VAV3: variants seen among roughly 807,000 people sequenced by gnomAD.
VAV3 encodes vav guanine nucleotide exchange factor 3, also known as guanine nucleotide exchange factor VAV3.
Under a neutral mutation model 131.2 loss-of-function variants are expected in VAV3, and 94 were observed. The ratio of observed to expected loss-of-function variants is 0.72; its 90% CI spans 0.61 to 0.85. The LOEUF is 0.85. Ranked by LOEUF, VAV3 falls within the 40% of genes least tolerant of loss-of-function variation. The pLI is 0.00. For missense variants in VAV3, 939 were observed against 1,002.7 expected (o/e 0.94, Z 0.86); for synonymous variants, 349 against 342.0 (o/e 1.02, Z -0.22).
At chr1:107,784,838 G>A (rs1665895671) in intron 2 of VAV3, among the ~76,000 whole-genome samples, 2 of 152,204 alleles carry the variant, frequency 1.3e-5, no homozygotes, top group Non-Finnish European at 2.9e-5. Context: ...TATGTAAAGG[G>A]CTCAACCTGG....
At position 107,622,687 on chromosome 1, in the gene VAV3, G is replaced by A. The variant is rs148458280; in HGVS notation, c.1915-5055C>T. Among the ~76,000 whole-genome samples, 1,232 of 152,298 alleles carry A rather than the reference G, an allele frequency of 8.1e-3. 16 individuals are homozygous for A. The highest frequency in any genetic ancestry group is 0.024 in the Admixed American group (360 of 15,284). ...TTACAATGCCCTAAACACTCTCAAT[G>A]TATGCACGATGGTGCTGTGGAGATT... is the stretch of plus-strand genomic sequence containing the variant. On this transcript the variant is annotated intron_variant, in intron 20 of 26. Coordinates refer to ENST00000370056, the MANE Select transcript of VAV3 (RefSeq NM_006113.5).
At chr1:107,602,264 CA>C in intron 24 of VAV3, 132 bp downstream of exon 24, 2 of 554,358 alleles carry the variant, frequency 3.6e-6, no homozygotes, top group South Asian at 4.7e-5. Flanking sequence ...GATTTTGTTG[CA>C]AAATTAGAAT....
At chr1:107,809,244 G>A (rs1212141612) in intron 2 of VAV3, among the ~76,000 whole-genome samples, 1 of 152,108 alleles carries the variant, frequency 6.6e-6, no homozygotes, top group Non-Finnish European at 1.5e-5. Context: ...GCAATATTTT[G>A]AGGTGGAATC....
chr1:107,822,798 G>T (rs6674778), intron 2 of VAV3, among the ~76,000 whole-genome samples: 4,254 of 152,226 alleles, frequency 0.028, 133 homozygotes, highest in African/African-American at 0.076. Context: ...AGCAAAAGAG[G>T]TTCATTCCTT....
chr1:107,909,441 G>C (rs1672261509), intron 1 of VAV3, among the ~76,000 whole-genome samples: 1 of 147,418 alleles, frequency 6.8e-6, no homozygotes, highest in South Asian at 2.2e-4. Flanking sequence ...AAGATGAGTA[G>C]ACAATGGAAA....
chr1:107,594,500 G>A (rs112446361), intron 25 of VAV3, among the ~76,000 whole-genome samples: 4,636 of 152,126 alleles, frequency 0.03, 249 homozygotes, highest in African/African-American at 0.11. Context: ...TAAAAAGACT[G>A]GATAGGGAAG....
chr1:107,778,364 T>C (rs1332180220), intron 3 of VAV3, among the ~76,000 whole-genome samples: 1 of 151,712 alleles, frequency 6.6e-6, no homozygotes, highest in African/African-American at 2.4e-5. Context: ...TTGACTTACG[T>C]TTTTTCAGAA....
intron 15 of VAV3, among the ~76,000 whole-genome samples, chr1:107,737,094 A>C (rs558732612): frequency 2.0e-5 from 3 of 152,360 alleles, no homozygotes; most frequent in African/African-American, 7.2e-5. Flanking sequence ...GACAAAAAGA[A>C]GAAATGGTGG....
intron 19 of VAV3, among the ~76,000 whole-genome samples, chr1:107,653,807 G>A (rs928656814): frequency 1.3e-5 from 2 of 151,730 alleles, no homozygotes; most frequent in Non-Finnish European, 2.9e-5. Context: ...CCTTTCCCTG[G>A]GGCCAAGTGT....
At chr1:107,783,915 C>A (rs1182246358) in intron 2 of VAV3, among the ~76,000 whole-genome samples, 1 of 147,764 alleles carries the variant, frequency 6.8e-6, no homozygotes, top group Admixed American at 6.7e-5. Context: ...AAAAAATTAG[C>A]CAGGCATGGT....
At chr1:107,830,225 CAA>C (rs149693654) in intron 2 of VAV3, among the ~76,000 whole-genome samples, 4,656 of 148,234 alleles carry the variant, frequency 0.031, 174 homozygotes, top group African/African-American at 0.088. Flanking sequence ...TTTTTTGAGA[CAA>C]AGTCTTGCTC....
chr1:107,661,889 C>T (rs1053429671), intron 19 of VAV3, among the ~76,000 whole-genome samples: 22 of 152,016 alleles, frequency 1.4e-4, no homozygotes, highest in Admixed American at 1.4e-3. Flanking sequence ...TTGGTGATAC[C>T]GAATTTCCCT....
chr1:107,898,612 C>A (rs1671717335), intron 1 of VAV3, among the ~76,000 whole-genome samples: 1 of 152,148 alleles, frequency 6.6e-6, no homozygotes, highest in Non-Finnish European at 1.5e-5. Context: ...TAATAGGAAG[C>A]ATTCAGCAGA....
At chr1:107,886,655 T>C (rs1033345050) in intron 1 of VAV3, among the ~76,000 whole-genome samples, 4 of 152,220 alleles carry the variant, frequency 2.6e-5, no homozygotes, top group Admixed American at 1.3e-4. Context: ...CCTCTTCTTA[T>C]GAATCTTATT....
At chr1:107,863,621 T>A (rs1276094172) in intron 2 of VAV3, among the ~76,000 whole-genome samples, 1 of 152,232 alleles carries the variant, frequency 6.6e-6, no homozygotes. Flanking sequence ...AAATTCCATG[T>A]GGATTACCAC....
chr1:107,949,923 A>G (rs2101330755), intron 1 of VAV3, among the ~76,000 whole-genome samples: 1 of 152,316 alleles, frequency 6.6e-6, no homozygotes, highest in Non-Finnish European at 1.5e-5. Flanking sequence ...TCTATCAGGT[A>G]TTGCCTATAT....
intron 20 of VAV3, among the ~76,000 whole-genome samples, chr1:107,634,832 C>G (rs1654787929): frequency 6.6e-6 from 1 of 151,940 alleles, no homozygotes; most frequent in South Asian, 2.1e-4. Context: ...AGACACTTCT[C>G]AAAAGACATT....
intron 2 of VAV3, among the ~76,000 whole-genome samples, chr1:107,872,999 T>C (rs1337796756): frequency 6.6e-6 from 1 of 152,200 alleles, no homozygotes; most frequent in Non-Finnish European, 1.5e-5. Flanking sequence ...TTCAGTGTTT[T>C]CTTTAGATCA....
chr1:107,572,551 AAAGTC>A lies in VAV3; in HGVS notation c.*775_*779del, dbSNP rs1420977816. On this transcript the variant is annotated 3_prime_UTR_variant, in exon 27 of 27. Coordinates refer to ENST00000370056, the MANE Select transcript of VAV3 (RefSeq NM_006113.5). ...ATATACCTAGCCCAGATCCTTTCAT[AAAGTC>A]AAGTGCTATATTTCCAAAATAATCC... 1 of 152,652 alleles carries A rather than the reference AAAGTC, an allele frequency of 6.6e-6. No individual in the cohort carries two copies. Among genetic ancestry groups the A allele is most frequent in the East Asian group, 1.9e-4 (1 of 5,202 alleles). 9.5% of individuals were successfully genotyped at this position (152,652 alleles called of 1,614,324 possible). A position where few individuals can be genotyped will look rare whatever the true frequency, so the allele number is the denominator to read the frequency against.
Sources: gnomAD v4.1 joint callset for allele counts (sites outside exome capture counted in the v4.1 genomes callset) on GRCh38, gnomAD v4.1.1 for gene constraint, MANE v1.5 for transcripts, NCBI Gene and HGNC (gene_info 2026-07-23, HGNC 2026-07-21) for gene names.